CCSER2: variants seen among roughly 807,000 people sequenced by gnomAD.
The protein encoded by CCSER2 is serine-rich coiled-coil domain-containing protein 2.
A neutral mutation model predicts 92.3 loss-of-function variants in CCSER2; 46 were observed. That is an observed-to-expected ratio of 0.50 (90% CI 0.39 to 0.64). The LOEUF is 0.64. Among genes scored for constraint, CCSER2 ranks in the 30% least tolerant of loss-of-function variants. The pLI is 0.00. For synonymous variants in CCSER2, 433 were observed against 431.4 expected, an observed-to-expected ratio of 1.00 and a Z score of -0.04; for missense variants, 1,244 against 1,238.9, an observed-to-expected ratio of 1.00 and a Z score of -0.06.
At chr10:84,503,884 T>A (rs959480962) in intron 9 of CCSER2, among the ~76,000 whole-genome samples, 3 of 152,224 alleles carry the variant, frequency 2.0e-5, no homozygotes, top group Non-Finnish European at 2.9e-5. Context: ...ATATTAAGAA[T>A]GACAAATTTA....
intron 9 of CCSER2, among the ~76,000 whole-genome samples, chr10:84,485,590 T>C (rs1847757265): frequency 6.6e-6 from 1 of 152,186 alleles, no homozygotes; most frequent in Non-Finnish European, 1.5e-5. Context: ...TTCCATGATA[T>C]GGGTGTACCA....
chr10:84,504,180 T>C (rs1848919299), intron 9 of CCSER2, among the ~76,000 whole-genome samples: 1 of 152,224 alleles, frequency 6.6e-6, no homozygotes. Context: ...AACATTGGTC[T>C]ATTTTGCCCA....
chr10:84,431,390 T>C (rs1564655892), intron 5 of CCSER2, among the ~76,000 whole-genome samples: 1 of 152,134 alleles, frequency 6.6e-6, no homozygotes, highest in Non-Finnish European at 1.5e-5. Flanking sequence ...ATTGGCTTCT[T>C]TCACTTACCA....
intron 6 of CCSER2, among the ~76,000 whole-genome samples, chr10:84,439,402 T>A (rs1333933444): frequency 2.6e-5 from 4 of 152,206 alleles, no homozygotes; most frequent in African/African-American, 9.7e-5. Context: ...TGGTTTTAAA[T>A]CTGTATTTGT....
intron 9 of CCSER2, among the ~76,000 whole-genome samples, chr10:84,496,062 TATA>T (rs1327503834): frequency 6.6e-6 from 1 of 151,932 alleles, no homozygotes; most frequent in Non-Finnish European, 1.5e-5. Context: ...TTTATGTCTT[TATA>T]ATAATGTTTT....
At chr10:84,418,004 G>A (rs1029438854) in intron 4 of CCSER2, 143 bp downstream of exon 4, 1 of 496,152 alleles carries the variant, frequency 2.0e-6, no homozygotes, top group African/African-American at 1.9e-5. Flanking sequence ...GGTAAAATAG[G>A]TTCATTTGCA....
At chr10:84,435,325 C>G (rs1315037062) in intron 5 of CCSER2, among the ~76,000 whole-genome samples, 1 of 152,164 alleles carries the variant, frequency 6.6e-6, no homozygotes, top group Non-Finnish European at 1.5e-5. Flanking sequence ...GACTTGTTGA[C>G]TCTTCCTTAA....
intron 1 of CCSER2, among the ~76,000 whole-genome samples, chr10:84,359,295 C>CGGAAACAG (rs1189540354): frequency 6.6e-6 from 1 of 152,096 alleles, no homozygotes; most frequent in East Asian, 1.9e-4. Flanking sequence ...CTGAAGGGTC[C>CGGAAACAG]ATTGTATCTG....
intron 3 of CCSER2, among the ~76,000 whole-genome samples, chr10:84,405,878 A>G (rs1045063079): frequency 3.9e-5 from 6 of 152,194 alleles, no homozygotes; most frequent in Non-Finnish European, 4.4e-5. Flanking sequence ...ACTCTGGGAA[A>G]TGACCTAGCA....
chr10:84,479,392 G>A (rs1007974248), intron 9 of CCSER2, among the ~76,000 whole-genome samples: 2 of 152,152 alleles, frequency 1.3e-5, no homozygotes, highest in Non-Finnish European at 2.9e-5. Context: ...GAAGGAGAGT[G>A]GTTTGCTGCC....
chr10:84,409,059 C>T (rs534056402), intron 3 of CCSER2, among the ~76,000 whole-genome samples: 15 of 152,202 alleles, frequency 9.9e-5, no homozygotes, highest in African/African-American at 2.2e-4. Context: ...AGTGCGATCT[C>T]GGCTCACTGC....
chr10:84,492,527 G>T (rs1261713698), intron 9 of CCSER2, among the ~76,000 whole-genome samples: 2 of 152,060 alleles, frequency 1.3e-5, no homozygotes, highest in Non-Finnish European at 2.9e-5. Flanking sequence ...TATGAGAATG[G>T]GCATTCTTGC....
intron 5 of CCSER2, among the ~76,000 whole-genome samples, chr10:84,435,409 T>A (rs986006087): frequency 6.6e-6 from 1 of 152,162 alleles, no homozygotes; most frequent in Non-Finnish European, 1.5e-5. Context: ...CCATACCTGA[T>A]TCTCATGGCG....
At chr10:84,442,712 T>C (rs35307661) in intron 6 of CCSER2, among the ~76,000 whole-genome samples, 1 of 152,060 alleles carries the variant, frequency 6.6e-6, no homozygotes, top group Admixed American at 6.5e-5. Context: ...AAAAATGTAG[T>C]ATGCTCACAC....
At chr10:84,421,866 A>G (rs1460565694) in intron 4 of CCSER2, among the ~76,000 whole-genome samples, 2 of 152,208 alleles carry the variant, frequency 1.3e-5, no homozygotes, top group Admixed American at 6.5e-5. Context: ...ATGGACAGCT[A>G]TATAGAAATG....
chr10:84,459,622 A>G (rs1286689266), intron 6 of CCSER2, among the ~76,000 whole-genome samples: 1 of 152,162 alleles, frequency 6.6e-6, no homozygotes, highest in African/African-American at 2.4e-5. Context: ...TCCCAGGCTC[A>G]GGTGATTCTC....
intron 3 of CCSER2, among the ~76,000 whole-genome samples, chr10:84,386,110 G>A (rs892738198): frequency 1.3e-5 from 2 of 152,118 alleles, no homozygotes; most frequent in African/African-American, 4.8e-5. Flanking sequence ...GGAGAAAAGG[G>A]AATACTTATA....
intron 6 of CCSER2, among the ~76,000 whole-genome samples, chr10:84,440,590 C>G (rs979654515): frequency 1.3e-5 from 2 of 152,212 alleles, no homozygotes; most frequent in Non-Finnish European, 2.9e-5. Flanking sequence ...CTAGAGCTGT[C>G]ATGCAGGGAC....
At chr10:84,464,918 C>A (rs1846303012) in intron 7 of CCSER2, among the ~76,000 whole-genome samples, 1 of 152,126 alleles carries the variant, frequency 6.6e-6, no homozygotes, top group African/African-American at 2.4e-5. Context: ...TCGTAGGTTG[C>A]AGAGTGATTT....
Sources: allele counts gnomAD v4.1 joint callset (sites outside exome capture counted in the v4.1 genomes callset), GRCh38; gene constraint gnomAD v4.1.1; transcripts MANE v1.5; gene names NCBI Gene and HGNC (gene_info 2026-07-23, HGNC 2026-07-21).